SHPRH: variants seen among roughly 807,000 people sequenced by gnomAD.
SHPRH encodes SNF2 histone linker PHD RING helicase.
SHPRH carries 106 observed loss-of-function variants against 202.5 expected under a neutral mutation model. That is an observed-to-expected ratio of 0.52 (90% CI 0.45 to 0.62). SHPRH has a LOEUF of 0.62. Among genes scored for constraint, SHPRH ranks in the 20% least tolerant of loss-of-function variants. SHPRH has a pLI of 0.00. For missense variants in SHPRH, 1,710 were observed against 2,020.0 expected (o/e 0.85, Z 2.94); for synonymous variants, 729 against 686.0 (o/e 1.06, Z -0.98).
chr6:145,949,351 T>C (rs1009305256), intron 4 of SHPRH, among the ~76,000 whole-genome samples: 3 of 151,868 alleles, frequency 2.0e-5, no homozygotes, highest in African/African-American at 7.3e-5. Flanking sequence ...AAAATGTGTG[T>C]GGAGGGGGGC....
At chr6:145,962,122 A>G (rs751063104) in intron 1 of SHPRH, among the ~76,000 whole-genome samples, 33 of 152,342 alleles carry the variant, frequency 2.2e-4, no homozygotes, top group Admixed American at 6.5e-5. Context: ...TAAATATAAA[A>G]GCCTTTTGCT....
intron 2 of SHPRH, among the ~76,000 whole-genome samples, chr6:145,874,851 T>G (rs1056247651): frequency 6.6e-6 from 1 of 152,202 alleles, no homozygotes; most frequent in Non-Finnish European, 1.5e-5. Context: ...CTTAGTATGA[T>G]CAAGGAAACT....
At chr6:145,873,695 G>A (rs1986729) in intron 2 of SHPRH, among the ~76,000 whole-genome samples, 17,031 of 111,442 alleles carry the variant, frequency 0.15, 1,483 homozygotes, top group African/African-American at 0.24. Flanking sequence ...AGTTGCTAGA[G>A]GAAGGAAGGA....
intron 11 of SHPRH, among the ~76,000 whole-genome samples, chr6:145,936,141 C>A (rs960726202): frequency 6.6e-6 from 1 of 151,896 alleles, no homozygotes; most frequent in Non-Finnish European, 1.5e-5. Context: ...TATTCCCCTC[C>A]ACCTGCCCAC....
intron 1 of SHPRH, among the ~76,000 whole-genome samples, chr6:145,958,391 T>C (rs1185399521): frequency 2.0e-5 from 3 of 152,154 alleles, no homozygotes; most frequent in Non-Finnish European, 2.9e-5. Flanking sequence ...TCAATAAATC[T>C]GAAAAATCTA....
At position 145,914,969 on chromosome 6, in the gene SHPRH, T is replaced by C. The variant is rs180873111; in HGVS notation, c.4255-1420A>G. 6.6e-5 allele frequency among the ~76,000 whole-genome samples: 10 copies of C among 152,050 alleles called. No homozygotes were observed. The East Asian group carries it at 1.9e-3, about 29-fold the overall frequency. On this transcript the variant is annotated intron_variant, in intron 23 of 29. Coordinates refer to ENST00000275233, the MANE Select transcript of SHPRH (RefSeq NM_001042683.3). ...GTCTGTGTCAGTTGGGTCATATTTG[T>C]TCATTAGTGTTCAAATGTTCAATAT...
At chr6:145,861,543 T>C (rs567584248), downstream of SHPRH, among the ~76,000 whole-genome samples, 1 of 152,222 alleles carries the variant, frequency 6.6e-6, no homozygotes, top group South Asian at 2.1e-4. Flanking sequence ...TGGAGATTTA[T>C]CAAAAAATTA....
Position 145,893,387 on chromosome 6 carries a change from G to C in SHPRH, c.4702C>G (p.Leu1568Val), listed in dbSNP as rs201937822. 6.3e-7 allele frequency: 1 copy of C among 1,582,938 alleles called. No individual in the cohort carries two copies. ...ISRVKTFQEN[L>V]SAFKRDPQIN... ...TGGGGATCACGTTTAAATGCTGAAA[G>C]GTTCTCCTAAAAAAGAAAGGTACAT... Residue 1568 changes from leucine (L) to valine (V), a missense_variant, in exon 28 of 30, where the codon CTT becomes GTT. Leu to Val is a conservative substitution (Grantham distance 32). Coordinates refer to ENST00000275233, the MANE Select transcript of SHPRH (RefSeq NM_001042683.3).
At chr6:145,879,668 T>A (rs2128698438) in intron 2 of SHPRH, among the ~76,000 whole-genome samples, 1 of 152,150 alleles carries the variant, frequency 6.6e-6, no homozygotes, top group East Asian at 1.9e-4. Flanking sequence ...CCCAGCACTT[T>A]GGGAGGCCAA....
At chr6:145,878,654 G>T (rs1477956677) in intron 2 of SHPRH, among the ~76,000 whole-genome samples, 2 of 152,140 alleles carry the variant, frequency 1.3e-5, no homozygotes, top group Non-Finnish European at 2.9e-5. Flanking sequence ...GGTTGAGTTT[G>T]CTCCCTGCCA....
At chr6:145,882,866 G>T (rs572835832), downstream of SHPRH, among the ~76,000 whole-genome samples, 3 of 152,284 alleles carry the variant, frequency 2.0e-5, no homozygotes, top group South Asian at 6.2e-4. Context: ...GATTTCTAAG[G>T]AAATTTGAGC....
At chr6:145,863,637 G>A (rs932245499), downstream of SHPRH, among the ~76,000 whole-genome samples, 2 of 152,336 alleles carry the variant, frequency 1.3e-5, no homozygotes, top group African/African-American at 4.8e-5. Context: ...TTTTAGGGGA[G>A]AGTGTCTGAG....
At chr6:145,876,421 A>G (rs1225020460) in intron 2 of SHPRH, among the ~76,000 whole-genome samples, 6 of 152,220 alleles carry the variant, frequency 3.9e-5, no homozygotes, top group African/African-American at 1.4e-4. Context: ...TTATAAACAG[A>G]AATATACAGT....
chr6:145,893,484 C>G, intron 27 of SHPRH, 91 bp from the exon 28 acceptor site: 2 of 1,160,408 alleles, frequency 1.7e-6, no homozygotes, highest in Non-Finnish European at 2.3e-6. Flanking sequence ...CTAATGCTAT[C>G]TATTACTATT....
chr6:145,940,660 CT>C (rs769778172), intron 11 of SHPRH, 62 bp downstream of exon 11: 5 of 1,526,596 alleles, frequency 3.3e-6, no homozygotes, highest in Non-Finnish European at 4.5e-6. Flanking sequence ...CATAACAATA[CT>C]TTTCTCTCTA....
At chr6:145,952,512 A>T in intron 2 of SHPRH, 34 bp from the exon 3 acceptor site, 2 of 1,581,910 alleles carry the variant, frequency 1.3e-6, no homozygotes, top group Non-Finnish European at 1.7e-6. Flanking sequence ...AAGTAGTTTC[A>T]TTTGAAATAT....
At chr6:145,922,092 T>C (rs901257117) in intron 20 of SHPRH, among the ~76,000 whole-genome samples, 194 bp downstream of exon 20, 4 of 151,946 alleles carry the variant, frequency 2.6e-5, no homozygotes, top group African/African-American at 7.2e-5. Flanking sequence ...ACTATGAACA[T>C]TTAGGGGATA....
At position 145,921,474 on chromosome 6, in the gene SHPRH, T is replaced by C. The variant is rs189260247; in HGVS notation, c.3783-82A>G. Reference sequence around the variant, plus strand: ...CTTCAATGTGAGTTCTAAAAGAACATGTTTGCAAGTCTTTGGAAAAACCAA... The same window carrying C: ...CTTCAATGTGAGTTCTAAAAGAACACGTTTGCAAGTCTTTGGAAAAACCAA... On this transcript the variant is annotated intron_variant, in intron 20 of 29. Transcript: ENST00000275233. 7,250 of 1,345,096 alleles carry C rather than the reference T, an allele frequency of 5.4e-3. 26 individuals are homozygous for C. Among genetic ancestry groups the C allele is most frequent in the Non-Finnish European group, 6.4e-3 (6,197 of 968,004 alleles). 83.3% of individuals were successfully genotyped at this position (1,345,096 alleles called of 1,614,324 possible). A position where few individuals can be genotyped will look rare whatever the true frequency, so the allele number is the denominator to read the frequency against.
chr6:145,894,085 A>T, intron 27 of SHPRH, 65 bp downstream of exon 27: 4 of 1,156,018 alleles, frequency 3.5e-6, no homozygotes, highest in Non-Finnish European at 4.9e-6. Flanking sequence ...TAAGTAAGCT[A>T]GTTAACAGCA....
Sources: gnomAD v4.1 joint callset for allele counts (sites outside exome capture counted in the v4.1 genomes callset) on GRCh38, gnomAD v4.1.1 for gene constraint, MANE v1.5 for transcripts, NCBI Gene and HGNC (gene_info 2026-07-23, HGNC 2026-07-21) for gene names.